SCAPER: variants seen among roughly 807,000 people sequenced by gnomAD.
The protein encoded by SCAPER is S-phase cyclin A associated protein in the ER.
A neutral mutation model predicts 182.2 loss-of-function variants in SCAPER; 98 were observed. That is an observed-to-expected ratio of 0.54 (90% CI 0.46 to 0.64). The LOEUF (loss-of-function observed/expected upper bound fraction) is 0.64. Among genes scored for constraint, SCAPER ranks in the 30% least tolerant of loss-of-function variants. The probability of loss-of-function intolerance (pLI) is 0.00; values close to 1 mark genes in which losing one functional copy is unlikely to be tolerated. For missense variants in SCAPER, 1,432 were observed against 1,690.0 expected, an observed-to-expected ratio of 0.85 and a Z score of 2.68; for synonymous variants, 605 against 564.6, an observed-to-expected ratio of 1.07 and a Z score of -1.01.
chr15:76,584,557 T>C (rs2145563445), intron 22 of SCAPER, among the ~76,000 whole-genome samples: 1 of 152,252 alleles, frequency 6.6e-6, no homozygotes, highest in African/African-American at 2.4e-5. Flanking sequence ...CCCACAAAAA[T>C]TAAATATAAA....
intron 17 of SCAPER, 91 bp from the exon 18 acceptor site, chr15:76,706,075 T>A (rs746904000): frequency 3.7e-4 from 358 of 980,662 alleles, no homozygotes; most frequent in Middle Eastern, 2.5e-3. Flanking sequence ...CATAGGGTCA[T>A]ATAGTCTAAA....
At chr15:76,676,385 A>T (rs927340754) in intron 20 of SCAPER, among the ~76,000 whole-genome samples, 1 of 152,158 alleles carries the variant, frequency 6.6e-6, no homozygotes, top group African/African-American at 2.4e-5. Flanking sequence ...AGGTCTTTGG[A>T]TACTGGTATA....
chr15:76,433,867 G>A (rs1305698080), intron 26 of SCAPER, among the ~76,000 whole-genome samples: 1 of 152,194 alleles, frequency 6.6e-6, no homozygotes, highest in Non-Finnish European at 1.5e-5. Context: ...CTGCAAAAGA[G>A]CCTGAATATC....
At chr15:76,682,757 C>G (rs1014997795) in intron 20 of SCAPER, among the ~76,000 whole-genome samples, 1 of 152,100 alleles carries the variant, frequency 6.6e-6, no homozygotes, top group African/African-American at 2.4e-5. Flanking sequence ...TGGATACTAG[C>G]CCCCCAGAGT....
intron 15 of SCAPER, among the ~76,000 whole-genome samples, chr15:76,735,821 C>G (rs1296164205): frequency 3.3e-5 from 5 of 151,544 alleles, no homozygotes; most frequent in African/African-American, 4.9e-5. Context: ...TTTAAAGAAG[C>G]AAAGGAAAGA....
chr15:76,824,184 A>G (rs1484230108), intron 5 of SCAPER, among the ~76,000 whole-genome samples: 1 of 152,262 alleles, frequency 6.6e-6, no homozygotes, highest in Non-Finnish European at 1.5e-5. Context: ...CATTTTGTCA[A>G]GCAGGATGAA....
At chr15:76,610,537 A>T (rs991496537) in intron 22 of SCAPER, among the ~76,000 whole-genome samples, 3 of 152,218 alleles carry the variant, frequency 2.0e-5, no homozygotes, top group Admixed American at 1.3e-4. Context: ...AACCGTAAAG[A>T]TTCTACAAAA....
intron 17 of SCAPER, among the ~76,000 whole-genome samples, chr15:76,714,809 C>T (rs919256616): frequency 1.3e-5 from 2 of 152,036 alleles, no homozygotes; most frequent in African/African-American, 2.4e-5. Flanking sequence ...TAATTTATAT[C>T]GGTAAATTGC....
rs139614588 is a variant in SCAPER, at chr15:76,402,042, G to A, written c.3467+2482C>T. ...CTCAGCTGGCTGAGGCAGGAGAATC[G>A]CTTGAACATGGAAGGCAGAGGTTGC... On this transcript the variant is annotated intron_variant, in intron 27 of 31. Transcript: ENST00000563290. Among the ~76,000 whole-genome samples the A allele has an allele frequency of 7.2e-5, 11 of 152,234 alleles. No individual in the cohort carries two copies. The East Asian group carries it at 1.4e-3, about 19-fold the overall frequency.
chr15:76,890,928 T>C (rs1006047006), intron 1 of SCAPER, among the ~76,000 whole-genome samples: 4 of 152,178 alleles, frequency 2.6e-5, no homozygotes, highest in Admixed American at 6.5e-5. Context: ...AATAGAATAC[T>C]GGCAAACTGA....
intron 5 of SCAPER, among the ~76,000 whole-genome samples, chr15:76,807,237 T>C (rs35556030): frequency 0.13 from 20,503 of 152,284 alleles, 1,975 homozygotes; most frequent in East Asian, 0.43. Flanking sequence ...AATTTCCCTA[T>C]TGAATGTTTT....
intron 29 of SCAPER, among the ~76,000 whole-genome samples, chr15:76,365,571 GAGAA>G (rs1219808752): frequency 1.3e-5 from 2 of 152,206 alleles, no homozygotes; most frequent in African/African-American, 4.8e-5. Flanking sequence ...ATTTACATTT[GAGAA>G]AGAACCCTAT....
chr15:76,807,507 ATTAT>A (rs915702115), intron 5 of SCAPER, among the ~76,000 whole-genome samples: 3 of 151,806 alleles, frequency 2.0e-5, no homozygotes, highest in African/African-American at 2.4e-5. Context: ...CTTAACTAAC[ATTAT>A]TTATTTTTTT....
In SCAPER at chr15:76,882,465, T is replaced by C. The variant is rs193120289; in HGVS notation, c.6+1347A>G. ...CTTCTATCCCCTCTAAGACCATTTT[T>C]CAAAATTAGGGCAGATTAAAAAAAA... On this transcript the variant is annotated intron_variant, in intron 2 of 31. Coordinates refer to ENST00000563290, the MANE Select transcript of SCAPER (RefSeq NM_020843.4). Among the ~76,000 whole-genome samples, 43 of 151,656 alleles carry C rather than the reference T, an allele frequency of 2.8e-4. No homozygotes were observed. In the East Asian group the frequency reaches 7.5e-3, roughly 27 times the overall value.
At chr15:76,877,330 A>T (rs1186358268) in intron 2 of SCAPER, among the ~76,000 whole-genome samples, 1 of 152,216 alleles carries the variant, frequency 6.6e-6, no homozygotes, top group East Asian at 1.9e-4. Context: ...TAAAAATCAG[A>T]GTCCAGATAA....
chr15:76,501,945 G>A (rs2041163934), intron 24 of SCAPER, among the ~76,000 whole-genome samples: 1 of 152,162 alleles, frequency 6.6e-6, no homozygotes, highest in Admixed American at 6.5e-5. Context: ...ATCTGAAGTG[G>A]TTACAAAATT....
intron 21 of SCAPER, 119 bp from the exon 22 acceptor site, chr15:76,621,948 T>C (rs1028507094): frequency 6.2e-5 from 40 of 648,938 alleles, no homozygotes; most frequent in Non-Finnish European, 1.3e-5. Context: ...ATCTGGTGAT[T>C]GAAGTGGCTG....
chr15:76,700,895 G>A (rs1049232125), intron 20 of SCAPER, among the ~76,000 whole-genome samples: 2 of 152,040 alleles, frequency 1.3e-5, no homozygotes, highest in African/African-American at 4.8e-5. Context: ...TTTAAGAACA[G>A]GCAACACTAA....
chr15:76,461,859 T>C (rs1378106045), intron 25 of SCAPER, among the ~76,000 whole-genome samples: 2 of 152,194 alleles, frequency 1.3e-5, no homozygotes, highest in Non-Finnish European at 2.9e-5. Context: ...GGTGTTGATA[T>C]TTTCTTTTTA....
Sources: allele counts gnomAD v4.1 joint callset (sites outside exome capture counted in the v4.1 genomes callset), GRCh38; gene constraint gnomAD v4.1.1; transcripts MANE v1.5; gene names NCBI Gene and HGNC (gene_info 2026-07-23, HGNC 2026-07-21).